Variants in FRAS1 observed in about 807,000 individuals in gnomAD.
FRAS1 encodes the protein extracellular matrix organizing protein FRAS1.
In FRAS1, 290 loss-of-function variants were observed where a neutral mutation model predicts 435.2. The ratio of observed to expected loss-of-function variants is 0.67; its 90% CI spans 0.61 to 0.73. The LOEUF (loss-of-function observed/expected upper bound fraction) is 0.73, where lower values mean the gene tolerates loss of function less well. FRAS1 is among the 30% of genes least tolerant of loss of function. FRAS1 has a pLI of 0.00. For missense variants in FRAS1, 4,860 were observed against 5,001.5 expected (o/e 0.97, Z 0.85); for synonymous variants, 1,800 against 1,851.0 (o/e 0.97, Z 0.71).
intron 2 of FRAS1, among the ~76,000 whole-genome samples, chr4:78,203,592 G>A (rs1387364675): frequency 1.3e-5 from 2 of 151,834 alleles, no homozygotes; most frequent in African/African-American, 2.4e-5. Context: ...TTTAGATGGA[G>A]TTTCGTTCTT....
chr4:78,400,899 T>C lies in FRAS1; in HGVS notation c.4129+12T>C. 1 of 1,613,056 alleles carries C rather than the reference T, an allele frequency of 6.2e-7. No homozygotes were observed. Among genetic ancestry groups the C allele is most frequent in the South Asian group, 1.1e-5 (1 of 90,834 alleles). The stretch of plus-strand genomic sequence containing the variant: ...CTACCCCCAGTTTGGTAACTATTTT[T>C]TCCTTTGGCGTGGTTTCATCGTTGC... On this transcript the variant is annotated intron_variant, in intron 30 of 73. Transcript: ENST00000512123.
At chr4:78,330,695 A>C (rs886925304) in intron 18 of FRAS1, among the ~76,000 whole-genome samples, 3 of 152,188 alleles carry the variant, frequency 2.0e-5, no homozygotes, top group Non-Finnish European at 2.9e-5. Context: ...TAGGAAGAGG[A>C]AATTCCCACC....
intron 2 of FRAS1, among the ~76,000 whole-genome samples, chr4:78,218,684 G>A (rs1723910948): frequency 6.6e-6 from 1 of 152,196 alleles, no homozygotes; most frequent in South Asian, 2.1e-4. Context: ...AGTCAAACCA[G>A]TCTTCCCAGA....
intron 32 of FRAS1, 87 bp from the exon 33 acceptor site, chr4:78,418,862 A>G (rs947523866): frequency 1.4e-6 from 1 of 715,434 alleles, no homozygotes; most frequent in Non-Finnish European, 2.3e-6. Context: ...GCCCAGAGCA[A>G]TTTTTTTTTC....
At chr4:78,371,067 A>G (rs1220180740) in intron 23 of FRAS1, among the ~76,000 whole-genome samples, 1 of 148,616 alleles carries the variant, frequency 6.7e-6, no homozygotes, top group Non-Finnish European at 1.5e-5. Flanking sequence ...GCTCGAGACC[A>G]CAGAATTTTT....
intron 2 of FRAS1, among the ~76,000 whole-genome samples, chr4:78,082,043 T>C (rs1304636743): frequency 6.6e-6 from 1 of 152,130 alleles, no homozygotes; most frequent in Non-Finnish European, 1.5e-5. Context: ...ATTTAAAATA[T>C]TATATCTAAC....
At chr4:78,181,650 G>A in intron 2 of FRAS1, 6 of 1,609,860 alleles carry the variant, frequency 3.7e-6, no homozygotes, top group Admixed American at 1.7e-5. Flanking sequence ...CGTTCACAAG[G>A]TGGTTGCCTT....
At chr4:78,306,631 AC>A (rs1407449670) in intron 14 of FRAS1, among the ~76,000 whole-genome samples, 2 of 147,604 alleles carry the variant, frequency 1.4e-5, no homozygotes, top group Non-Finnish European at 3.0e-5. Context: ...CATCGCTGAT[AC>A]CCTTTCTTCC....
rs1335040805 is a variant in FRAS1, at chr4:78,482,445, AC to A, written c.8663del (p.Thr2888AsnfsTer14). On this transcript the variant is annotated frameshift_variant, in exon 58 of 74. Coordinates refer to ENST00000512123, the MANE Select transcript of FRAS1 (RefSeq NM_025074.7). LOFTEE classifies it high-confidence loss of function. ...TQYPVIEGLE[T>X]FVVFLSSAQG... is the part of the protein sequence containing the mutation. ...GTATCCGGTAATTGAAGGACTGGAG[AC>A]ATTTGTGGTTTTCCTCAGCTCAGCA... 1 of 1,613,796 alleles carries A rather than the reference AC, an allele frequency of 6.2e-7. No homozygotes were observed. The highest frequency in any genetic ancestry group is 1.7e-5 in the Admixed American group (1 of 59,990).
intron 3 of FRAS1, among the ~76,000 whole-genome samples, chr4:78,242,820 A>G (rs1173793687): frequency 6.6e-6 from 1 of 152,250 alleles, no homozygotes; most frequent in East Asian, 1.9e-4. Flanking sequence ...GACTAGAAAT[A>G]ACCTAGTGTC....
At chr4:78,257,340 G>A (rs1298353141) in intron 6 of FRAS1, among the ~76,000 whole-genome samples, 2 of 152,018 alleles carry the variant, frequency 1.3e-5, no homozygotes, top group Non-Finnish European at 2.9e-5. Context: ...CCATTACCAA[G>A]GCCATGATTA....
chr4:78,138,238 T>C (rs990539989), intron 2 of FRAS1, among the ~76,000 whole-genome samples: 2 of 152,208 alleles, frequency 1.3e-5, no homozygotes, highest in Non-Finnish European at 2.9e-5. Flanking sequence ...ATAGTGATCA[T>C]CTAGTAAACA....
chr4:78,387,375 G>C lies in FRAS1; in HGVS notation c.3649G>C (p.Ala1217Pro). The C allele has an allele frequency of 6.3e-7, 1 of 1,594,250 alleles. No homozygotes were observed. Among genetic ancestry groups the C allele is most frequent in the Non-Finnish European group, 8.6e-7 (1 of 1,168,334 alleles). The change falls in exon 29 of 74, where the codon GCC becomes CCC. Residue 1217 changes from alanine (A) to proline (P), a missense_variant and splice_region_variant. Physicochemically the swap from Ala to Pro is conservative, Grantham distance 27. Transcript: ENST00000512123. ...ACTCTTCTTCCCTTCAACTCCACAG[G>C]CCCCCTATGTGCTGAGAAATGAAGT... Reference protein sequence around the residue: ...LINIQAFSTQAPYVLRNEVLH... With the variant: ...LINIQAFSTQPPYVLRNEVLH...
chr4:78,346,497 T>C (rs72657060), intron 20 of FRAS1, among the ~76,000 whole-genome samples: 1 of 152,058 alleles, frequency 6.6e-6, no homozygotes, highest in Admixed American at 6.6e-5. Flanking sequence ...GGCACATATA[T>C]GATCACTGTG....
At chr4:78,522,902 GA>G in intron 69 of FRAS1, 94 bp downstream of exon 69, 1 of 1,134,654 alleles carries the variant, frequency 8.8e-7, no homozygotes, top group Non-Finnish European at 1.2e-6. Context: ...CTGAAGGCTA[GA>G]CTTTTATTTT....
chr4:78,099,960 C>A (rs1742036565), intron 2 of FRAS1, among the ~76,000 whole-genome samples: 1 of 152,112 alleles, frequency 6.6e-6, no homozygotes, highest in African/African-American at 2.4e-5. Context: ...GGGAAAGAGG[C>A]AGCCTGAGAA....
chr4:78,194,587 A>G (rs1266362739), intron 2 of FRAS1, among the ~76,000 whole-genome samples: 7 of 151,996 alleles, frequency 4.6e-5, no homozygotes, highest in Non-Finnish European at 7.4e-5. Flanking sequence ...TTGTGCATTC[A>G]TCACGTATTT....
chr4:78,101,729 A>T (rs906220412), intron 2 of FRAS1, among the ~76,000 whole-genome samples: 1 of 152,172 alleles, frequency 6.6e-6, no homozygotes, highest in Non-Finnish European at 1.5e-5. Context: ...ATGTGCTTTC[A>T]TATTTGTTGT....
chr4:78,111,495 C>T (rs1233334943), intron 2 of FRAS1, among the ~76,000 whole-genome samples: 3 of 41,494 alleles, frequency 7.2e-5, no homozygotes, highest in South Asian at 9.2e-4. Context: ...AGTAAACTAT[C>T]GCAAGAACAA....
Sources: gnomAD v4.1 joint callset for allele counts (sites outside exome capture counted in the v4.1 genomes callset) on GRCh38, gnomAD v4.1.1 for gene constraint, MANE v1.5 for transcripts, NCBI Gene and HGNC (gene_info 2026-07-23, HGNC 2026-07-21) for gene names.